GRM8: variants seen among roughly 807,000 people sequenced by gnomAD.
GRM8 encodes metabotropic glutamate receptor 8.
GRM8 carries 47 observed loss-of-function variants against 87.2 expected under a neutral mutation model. That is an observed-to-expected ratio of 0.54 (90% CI 0.43 to 0.69). The LOEUF (loss-of-function observed/expected upper bound fraction) is 0.69. Ranked by LOEUF, GRM8 falls within the 30% of genes least tolerant of loss-of-function variation. The pLI is 0.00. For synonymous variants in GRM8, 396 were observed against 404.5 expected (o/e 0.98, Z 0.25); for missense variants, 1,019 against 1,139.2 (o/e 0.89, Z 1.52).
chr7:126,666,687 T>TA (rs773812666), intron 7 of GRM8, among the ~76,000 whole-genome samples: 21 of 148,802 alleles, frequency 1.4e-4, no homozygotes, highest in Admixed American at 5.4e-4. Flanking sequence ...AACAGTGATT[T>TA]AAAAAAAAAA....
At chr7:127,202,102 G>A (rs933651809) in intron 2 of GRM8, among the ~76,000 whole-genome samples, 1 of 151,842 alleles carries the variant, frequency 6.6e-6, no homozygotes, top group African/African-American at 2.4e-5. Flanking sequence ...ATATACTTGT[G>A]TATGTGATTA....
rs372733476 is a variant in GRM8 at position 126,775,479 on chromosome 7, GTT to G, written c.1157-5416_1157-5415del. Among the ~76,000 whole-genome samples, 826 of 104,702 alleles carry G rather than the reference GTT, an allele frequency of 7.9e-3. 14 individuals are homozygous for G. The highest frequency in any genetic ancestry group is 0.034 in the African/African-American group (792 of 23,008). The allele number at this position is 104,702 out of a possible 152,430, so 68.7% of individuals were successfully genotyped here. A position where few individuals can be genotyped will look rare whatever the true frequency, so the allele number is the denominator to read the frequency against. ...TGAGCGCTATCAAGCTGACAAATAG[GTT>G]TTTTTTTTTTTTTTTTTTTTTTTTT... On this transcript the variant is annotated intron_variant, in intron 6 of 10. Coordinates refer to ENST00000339582, the MANE Select transcript of GRM8 (RefSeq NM_000845.3).
intron 6 of GRM8, among the ~76,000 whole-genome samples, chr7:126,815,283 G>T (rs1793679087): frequency 6.6e-6 from 1 of 152,058 alleles, no homozygotes; most frequent in Non-Finnish European, 1.5e-5. Flanking sequence ...TGGAAATTCT[G>T]ACTCAAATAC....
At chr7:127,121,816 C>A (rs903189630) in intron 2 of GRM8, among the ~76,000 whole-genome samples, 38 of 152,088 alleles carry the variant, frequency 2.5e-4, no homozygotes, top group Admixed American at 1.6e-3. Context: ...AGAAACCACC[C>A]CCATGATCCA....
intron 2 of GRM8, among the ~76,000 whole-genome samples, chr7:127,142,130 T>C (rs1167299566): frequency 1.3e-5 from 2 of 151,942 alleles, no homozygotes; most frequent in South Asian, 2.1e-4. Context: ...TGCACCACCA[T>C]GCACACCTAA....
At chr7:126,474,340 C>T (rs1584741440) in intron 9 of GRM8, among the ~76,000 whole-genome samples, 1 of 152,142 alleles carries the variant, frequency 6.6e-6, no homozygotes. Context: ...AGGATCTTGG[C>T]TCACTGCAAC....
intron 6 of GRM8, among the ~76,000 whole-genome samples, chr7:126,853,649 A>G (rs186333691): frequency 1.3e-4 from 20 of 152,308 alleles, no homozygotes; most frequent in African/African-American, 4.8e-4. Context: ...AAGTAGCTTA[A>G]GCAAAAAAGG....
intron 3 of GRM8, among the ~76,000 whole-genome samples, chr7:127,079,824 C>A (rs1586938994): frequency 7.0e-6 from 1 of 143,044 alleles, no homozygotes; most frequent in Non-Finnish European, 1.5e-5. Context: ...CCAATGGAGA[C>A]TTCGTAGGTA....
At chr7:127,227,831 G>A (rs1415587257) in intron 2 of GRM8, among the ~76,000 whole-genome samples, 1 of 152,200 alleles carries the variant, frequency 6.6e-6, no homozygotes, top group Non-Finnish European at 1.5e-5. Flanking sequence ...TCCGGCAGCA[G>A]GGAAGATACA....
At chr7:126,990,582 C>G (rs1011885779) in intron 3 of GRM8, among the ~76,000 whole-genome samples, 1 of 152,118 alleles carries the variant, frequency 6.6e-6, no homozygotes. Context: ...TTGACGTTAC[C>G]GTTACTTACA....
chr7:126,927,085 G>A (rs1277760583), intron 3 of GRM8, among the ~76,000 whole-genome samples: 8 of 152,130 alleles, frequency 5.3e-5, no homozygotes, highest in Non-Finnish European at 8.8e-5. Flanking sequence ...ACGTCTTCCA[G>A]TGGTAGTACC....
intron 2 of GRM8, among the ~76,000 whole-genome samples, chr7:127,177,051 G>A (rs988089924): frequency 2.0e-5 from 3 of 152,158 alleles, no homozygotes; most frequent in Non-Finnish European, 4.4e-5. Flanking sequence ...TCCACAGGCA[G>A]GGGAAAAACC....
intron 2 of GRM8, among the ~76,000 whole-genome samples, chr7:127,183,147 T>A (rs17864149): frequency 0.19 from 28,799 of 151,918 alleles, 3,109 homozygotes; most frequent in Non-Finnish European, 0.25. Context: ...ATAACTATAT[T>A]AATTTTAGAC....
intron 2 of GRM8, among the ~76,000 whole-genome samples, chr7:127,115,417 A>G (rs1034092314): frequency 6.6e-6 from 1 of 152,200 alleles, no homozygotes; most frequent in Non-Finnish European, 1.5e-5. Context: ...ACACTAAGAC[A>G]TTTTGATTTG....
At chr7:126,762,802 C>A (rs955676291) in intron 7 of GRM8, among the ~76,000 whole-genome samples, 1 of 151,332 alleles carries the variant, frequency 6.6e-6, no homozygotes, top group Non-Finnish European at 1.5e-5. Context: ...TCTTAGAATA[C>A]CTTTCTAGAA....
chr7:126,946,437 G>A (rs1807548572), intron 3 of GRM8, among the ~76,000 whole-genome samples: 1 of 152,286 alleles, frequency 6.6e-6, no homozygotes, highest in South Asian at 2.1e-4. Flanking sequence ...ATAAATTGAG[G>A]CTCCAATGAG....
intron 7 of GRM8, among the ~76,000 whole-genome samples, chr7:126,655,197 T>C (rs1236379557): frequency 6.6e-6 from 1 of 152,246 alleles, no homozygotes; most frequent in Non-Finnish European, 1.5e-5. Flanking sequence ...CTCTTCATAT[T>C]CCTTTGCCAG....
At chr7:126,609,200 G>A (rs1399803246) in intron 8 of GRM8, among the ~76,000 whole-genome samples, 162 bp downstream of exon 8, 1 of 152,172 alleles carries the variant, frequency 6.6e-6, no homozygotes, top group Non-Finnish European at 1.5e-5. Context: ...AGAGGCTGAA[G>A]AATGTCCATA....
At chr7:126,947,778 A>T (rs1807704959) in intron 3 of GRM8, among the ~76,000 whole-genome samples, 1 of 152,112 alleles carries the variant, frequency 6.6e-6, no homozygotes, top group Non-Finnish European at 1.5e-5. Flanking sequence ...TCACTTCAAA[A>T]ACTTGGACTA....
Sources: gnomAD v4.1 joint callset for allele counts (sites outside exome capture counted in the v4.1 genomes callset) on GRCh38, gnomAD v4.1.1 for gene constraint, MANE v1.5 for transcripts, NCBI Gene and HGNC (gene_info 2026-07-23, HGNC 2026-07-21) for gene names.